The following NCOR2 variants were observed in gnomAD, a reference collection of about 807,000 sequenced individuals.
The protein encoded by NCOR2 is nuclear receptor corepressor 2, also known as CTG repeat protein 26.
A neutral mutation model predicts 262.9 loss-of-function variants in NCOR2; 81 were observed. The ratio of observed to expected loss-of-function variants is 0.31; its 90% CI spans 0.26 to 0.37. NCOR2 has a LOEUF of 0.37. Among genes scored for constraint, NCOR2 ranks in the 10% least tolerant of loss-of-function variants. The probability of loss-of-function intolerance (pLI) is 1.00; values close to 1 mark genes in which losing one functional copy is unlikely to be tolerated. For synonymous variants in NCOR2, 1,659 were observed against 1,559.3 expected (o/e 1.06, Z -1.51); for missense variants, 3,385 against 3,621.4 (o/e 0.93, Z 1.68).
chr12:124,333,836 G>A (rs2035496160), intron 41 of NCOR2, among the ~76,000 whole-genome samples: 1 of 149,904 alleles, frequency 6.7e-6, no homozygotes, highest in Non-Finnish European at 1.5e-5. Context: ...GTGTGCGGGT[G>A]CGCCTGTGTG....
At chr12:124,418,988 C>G (rs74404514) in intron 13 of NCOR2, among the ~76,000 whole-genome samples, 3,049 of 152,234 alleles carry the variant, frequency 0.02, 46 homozygotes, top group Middle Eastern at 0.051. Flanking sequence ...GGAAATGCCT[C>G]GACCGACTCC....
chr12:124,356,777 C>T lies in NCOR2; in HGVS notation c.3106G>A (p.Ala1036Thr), dbSNP rs139960265. 3.7e-5 allele frequency: 54 copies of T among 1,474,436 alleles called. 1 individual carries two copies. The African/African-American group carries it at 5.5e-4, about 15-fold the overall frequency. 91.3% of individuals were successfully genotyped at this position (1,474,436 alleles called of 1,614,324 possible). ...CCAGGCAGCTTCTGGGCCTCGGCTG[C>T]GAAGGCTGGGAAGAACACAGGCTTC... The change falls in exon 23 of 47, where the codon GCA (alanine) becomes ACA (threonine). Residue 1036 changes from alanine (A) to threonine (T), a missense_variant. By Grantham distance (58) the Ala-to-Thr change is moderately conservative. Coordinates refer to ENST00000405201, the Ensembl canonical transcript of NCOR2.
intron 1 of NCOR2, among the ~76,000 whole-genome samples, chr12:124,542,028 G>A (rs901796256): frequency 6.6e-6 from 1 of 151,704 alleles, no homozygotes; most frequent in African/African-American, 2.4e-5. Context: ...ACAGTGTGGG[G>A]CAGGGCCAGC....
intron 13 of NCOR2, among the ~76,000 whole-genome samples, chr12:124,413,365 G>T (rs141224903): frequency 6.6e-6 from 1 of 152,188 alleles, no homozygotes; most frequent in Non-Finnish European, 1.5e-5. Context: ...GATTAAGGTC[G>T]GATTCGCATC....
intron 18 of NCOR2, among the ~76,000 whole-genome samples, chr12:124,377,282 T>C (rs1303898966): frequency 2.0e-5 from 3 of 152,084 alleles, no homozygotes; most frequent in African/African-American, 7.2e-5. Context: ...GGTGGGGCAT[T>C]TGTCTAGTCT....
Position 124,495,237 on chromosome 12 carries a change from T to C in NCOR2, c.15A>G (p.Thr5=), listed in dbSNP as rs2048321595. 6 of 1,613,306 alleles carry C rather than the reference T, an allele frequency of 3.7e-6. No individual in the cohort carries two copies. The highest frequency in any genetic ancestry group is 5.1e-6 in the Non-Finnish European group (6 of 1,179,708). Residue 5 remains threonine, a synonymous_variant, in exon 1 of 47, where the codon ACA becomes ACG. Transcript: ENST00000405201. The surrounding 1 kb of genome is among the most constrained non-coding windows in gnomAD (Gnocchi z 4.4). ...CCCTCCACGTCTGTGCCACAGGCTG[T>C]GTGGATCCCGACATGGTGGTGGGGG...
intron 4 of NCOR2, among the ~76,000 whole-genome samples, chr12:124,468,951 C>T (rs1190174222): frequency 1.9e-5 from 1 of 53,966 alleles, no homozygotes. Flanking sequence ...CTCATCACCC[C>T]CATCACCCTC....
chr12:124,417,399 T>C (rs1294641346), intron 13 of NCOR2, among the ~76,000 whole-genome samples: 5 of 152,142 alleles, frequency 3.3e-5, no homozygotes, highest in African/African-American at 1.2e-4. Flanking sequence ...TAAATTACCA[T>C]GGTCTCCCCA....
Position 124,335,476 on chromosome 12 carries a change from G to A in NCOR2, c.6265+7C>T. On this transcript the variant is annotated splice_region_variant and intron_variant, in intron 39 of 46. Coordinates refer to ENST00000405201, the Ensembl canonical transcript of NCOR2. Reference sequence around the variant, plus strand: ...CTTCGGGGGCCTGGGTACTGGGTGGGGCGTACCTGGCTGCTTGGGCCGCAG... The same window carrying A: ...CTTCGGGGGCCTGGGTACTGGGTGGAGCGTACCTGGCTGCTTGGGCCGCAG... 1.9e-6 allele frequency: 3 copies of A among 1,603,240 alleles called. No homozygotes were observed. The highest frequency in any genetic ancestry group is 2.7e-5 in the African/African-American group (2 of 75,030).
At chr12:124,374,153 C>G (rs952169784) in intron 19 of NCOR2, among the ~76,000 whole-genome samples, 8 of 152,182 alleles carry the variant, frequency 5.3e-5, no homozygotes, top group African/African-American at 1.2e-4. Flanking sequence ...GAAATCAAAC[C>G]CGGTCGGAGA....
intron 22 of NCOR2, among the ~76,000 whole-genome samples, chr12:124,357,255 C>A (rs141386602): frequency 2.6e-4 from 39 of 152,334 alleles, no homozygotes; most frequent in African/African-American, 9.4e-4. Flanking sequence ...TCAAGTGATT[C>A]TCCCACCTCA....
chr12:124,354,082 A>G lies in NCOR2; in HGVS notation c.3693+11T>C. On this transcript the variant is annotated intron_variant, in intron 27 of 46. Coordinates refer to ENST00000405201, the Ensembl canonical transcript of NCOR2. ...CCAACCGTCCTTCCTGCCGCACCCC[A>G]GGACACCTACGTGGGTGATGGAGCC... 2 of 1,605,594 alleles carry G rather than the reference A, an allele frequency of 1.2e-6. No homozygotes were observed. Among genetic ancestry groups the G allele is most frequent in the Non-Finnish European group, 1.7e-6 (2 of 1,178,058 alleles).
intron 8 of NCOR2, 132 bp from the exon 11 acceptor site, chr12:124,430,919 TATAC>T: frequency 9.3e-7 from 1 of 1,070,320 alleles, no homozygotes; most frequent in Non-Finnish European, 1.3e-6. Context: ...GGCACACACA[TATAC>T]AGTCAGATAC....
rs140656847 is a variant in NCOR2 at position 124,469,541 on chromosome 12, A to G, written c.592-3255T>C. On this transcript the variant is annotated intron_variant, in intron 4 of 46. Coordinates refer to ENST00000405201, the Ensembl canonical transcript of NCOR2. The stretch of plus-strand genomic sequence containing the variant: ...CCCTTCCTCAGGTACTAGAGAAAAT[A>G]CTACCTGGGACACCTACAGAGACCC... Among the ~76,000 whole-genome samples, 1,452 of 152,220 alleles carry G rather than the reference A, an allele frequency of 9.5e-3. 21 individuals are homozygous for G. The highest frequency in any genetic ancestry group is 0.033 in the African/African-American group (1,350 of 41,528).
chr12:124,526,629 G>A (rs1477842973), intron 1 of NCOR2, among the ~76,000 whole-genome samples: 1 of 152,180 alleles, frequency 6.6e-6, no homozygotes, highest in Non-Finnish European at 1.5e-5. Flanking sequence ...AAACCACGAG[G>A]TGGGGCAGCT....
chr12:124,424,303 C>T (rs2043403461), intron 11 of NCOR2, among the ~76,000 whole-genome samples: 1 of 152,126 alleles, frequency 6.6e-6, no homozygotes, highest in South Asian at 2.1e-4. Flanking sequence ...ATTCTTAACA[C>T]CCGTGACCGT....
In NCOR2 at chr12:124,527,414, T is replaced by A. The variant is rs183601279; in HGVS notation, c.-118+8151A>T. Among the ~76,000 whole-genome samples, 307 of 152,256 alleles carry A rather than the reference T, an allele frequency of 2.0e-3. 3 individuals carry two copies. The highest frequency in any genetic ancestry group is 6.9e-3 in the African/African-American group (286 of 41,536). On this transcript the variant is annotated intron_variant, in intron 1 of 46. Transcript: ENST00000404621. ...CAAGAGCTTTTAGGTGATGAAATAA[T>A]TTTTTATTTATTTTTTTTTTTGAGG...
intron 1 of NCOR2, among the ~76,000 whole-genome samples, chr12:124,494,253 G>A (rs1309281725): frequency 3.3e-5 from 5 of 152,032 alleles, no homozygotes; most frequent in African/African-American, 1.2e-4. Flanking sequence ...GCACCCCCAC[G>A]GTGGCCGGCA....
chr12:124,462,635 T>C (rs1279245343), intron 5 of NCOR2, among the ~76,000 whole-genome samples: 2 of 152,216 alleles, frequency 1.3e-5, no homozygotes, highest in African/African-American at 4.8e-5. Flanking sequence ...GGTGGGGGCC[T>C]GGCCCAGGAT....
Sources: allele counts gnomAD v4.1 joint callset (sites outside exome capture counted in the v4.1 genomes callset), GRCh38; gene constraint gnomAD v4.1.1; non-coding constraint Gnocchi (gnomAD v3.1); transcripts MANE v1.5; gene names NCBI Gene and HGNC (gene_info 2026-07-23, HGNC 2026-07-21).